Variants in LATS2 observed in about 807,000 individuals in gnomAD.
LATS2 encodes the protein large tumor suppressor kinase 2, also known as serine/threonine-protein kinase LATS2.
LATS2 carries 24 observed loss-of-function variants against 76.0 expected under a neutral mutation model. The ratio of observed to expected loss-of-function variants is 0.32; its 90% CI spans 0.23 to 0.44. LATS2 has a LOEUF of 0.44. Among genes scored for constraint, LATS2 ranks in the 20% least tolerant of loss-of-function variants. The probability of loss-of-function intolerance (pLI) is 1.00; values close to 1 mark genes in which losing one functional copy is unlikely to be tolerated. For missense variants in LATS2, 1,286 were observed against 1,481.2 expected (o/e 0.87, Z 2.16); for synonymous variants, 692 against 635.4 (o/e 1.09, Z -1.34).
At chr13:20,985,835 CG>C (rs1364403971) in intron 4 of LATS2, among the ~76,000 whole-genome samples, 1 of 152,004 alleles carries the variant, frequency 6.6e-6, no homozygotes, top group Non-Finnish European at 1.5e-5. Flanking sequence ...CATCTGAGGT[CG>C]GAAGTTTGAG....
intron 3 of LATS2, among the ~76,000 whole-genome samples, chr13:20,990,461 AT>A (rs35074574): frequency 0.18 from 16,931 of 94,030 alleles, 1,713 homozygotes; most frequent in East Asian, 0.41. Flanking sequence ...AATTACTAGG[AT>A]TTTTTTTTTT....
At position 21,045,666 on chromosome 13, in the gene LATS2, T is replaced by C. The variant is rs775573915; in HGVS notation, c.342+19A>G. On this transcript the variant is annotated intron_variant, in intron 2 of 7. Transcript: ENST00000382592. ...CCATAGCTGCCTCTGCACATGGCCC[T>C]GCAGAGGTCTGTACCCACCTGGTCG... 4 of 1,598,670 alleles carry C rather than the reference T, an allele frequency of 2.5e-6. No individual in the cohort carries two copies. The highest frequency in any genetic ancestry group is 3.4e-6 in the Non-Finnish European group (4 of 1,170,402).
In LATS2 at chr13:20,991,232, C is replaced by A; in HGVS notation, c.475+40G>T. 1 of 1,612,710 alleles carries A rather than the reference C, an allele frequency of 6.2e-7. No homozygotes were observed. Among genetic ancestry groups the A allele is most frequent in the East Asian group, 2.2e-5 (1 of 44,866 alleles). On this transcript the variant is annotated intron_variant, in intron 3 of 7. Coordinates refer to ENST00000382592, the MANE Select transcript of LATS2 (RefSeq NM_014572.3). This position sits in a 1 kb window ranked among gnomAD's most constrained non-coding sequence, Gnocchi z 4.9. The stretch of plus-strand genomic sequence containing the variant: ...ACGTGGTTTTGTTGTCCTTAAGCCA[C>A]AAACCATCTTTGCCCACTATGCTGC...
Position 21,001,945 on chromosome 13 carries a change from G to A in LATS2, c.343-10541C>T, listed in dbSNP as rs111917343. Among the ~76,000 whole-genome samples the A allele has an allele frequency of 3.3e-5, 5 of 150,686 alleles. No homozygotes were observed. In the East Asian group the frequency reaches 5.9e-4, roughly 18 times the overall value. On this transcript the variant is annotated intron_variant, in intron 2 of 7. Coordinates refer to ENST00000382592, the MANE Select transcript of LATS2 (RefSeq NM_014572.3). ...CCATTTTTTTTTGAGGCGGAGTCTC[G>A]CTCTGTCGCCCAGGCTGGAGTGCAG...
chr13:20,980,816 T>G (rs1369890347), intron 6 of LATS2, among the ~76,000 whole-genome samples: 1 of 152,204 alleles, frequency 6.6e-6, no homozygotes, highest in Admixed American at 6.5e-5. Flanking sequence ...CAACATGTGA[T>G]GGCAGGGGCT....
chr13:20,978,538 A>G (rs575221480), intron 7 of LATS2, among the ~76,000 whole-genome samples: 42 of 152,314 alleles, frequency 2.8e-4, no homozygotes, highest in Non-Finnish European at 5.4e-4. Context: ...GAACAATGAT[A>G]TAATATCCAA....
At chr13:20,989,360 G>A (rs1257019798) in intron 3 of LATS2, 56 bp from the exon 4 acceptor site, 6 of 1,579,240 alleles carry the variant, frequency 3.8e-6, no homozygotes, top group Admixed American at 3.4e-5. Context: ...AGTGGGTTCT[G>A]GCACTTCCAG....
intron 2 of LATS2, among the ~76,000 whole-genome samples, chr13:21,008,163 G>A (rs1051766750): frequency 6.6e-6 from 1 of 151,798 alleles, no homozygotes; most frequent in Admixed American, 6.6e-5. Flanking sequence ...GCACAGAGGC[G>A]CAGTGGTGCT....
chr13:21,045,810 A>G lies in LATS2; in HGVS notation c.217T>C (p.Tyr73His), dbSNP rs1873053264. Residue 73 changes from tyrosine (Y) to histidine (H), a missense_variant, in exon 2 of 8, where the codon TAT (tyrosine) becomes CAT (histidine). Coordinates refer to ENST00000382592, the MANE Select transcript of LATS2 (RefSeq NM_014572.3). Reference sequence around the variant, plus strand: ...CTGATTTCCCTCAAGGCTTTCTGATAAGGTCCGAACTTTGGGGTGGCTCTC... The same window carrying G: ...CTGATTTCCCTCAAGGCTTTCTGATGAGGTCCGAACTTTGGGGTGGCTCTC... ...QMRATPKFGP[Y>H]QKALREIRYS... 1 of 1,614,204 alleles carries G rather than the reference A, an allele frequency of 6.2e-7. No homozygotes were observed. The highest frequency in any genetic ancestry group is 2.2e-5 in the East Asian group (1 of 44,878).
At chr13:21,028,227 A>G (rs1163305234) in intron 2 of LATS2, among the ~76,000 whole-genome samples, 3 of 151,982 alleles carry the variant, frequency 2.0e-5, no homozygotes, top group East Asian at 3.9e-4. Context: ...ATGATTTCCA[A>G]TTTCATCCAT....
At chr13:21,042,858 C>T (rs923759801) in intron 2 of LATS2, among the ~76,000 whole-genome samples, 5 of 152,014 alleles carry the variant, frequency 3.3e-5, no homozygotes, top group African/African-American at 1.2e-4. Context: ...GTGGTGGGTG[C>T]CTGTAATCCC....
At position 20,974,826 on chromosome 13, in the gene LATS2, C is replaced by G. The variant is rs777296126; in HGVS notation, c.*44G>C. Reference sequence around the variant, plus strand: ...CCTGTGAGGGCACCGGCTCCGGGACCCTGACCTGGGAGGCAGCGAGTGGTG... The same window carrying G: ...CCTGTGAGGGCACCGGCTCCGGGACGCTGACCTGGGAGGCAGCGAGTGGTG... On this transcript the variant is annotated 3_prime_UTR_variant, in exon 8 of 8. Coordinates refer to ENST00000382592, the MANE Select transcript of LATS2 (RefSeq NM_014572.3). The G allele has an allele frequency of 2.6e-6, 4 of 1,561,990 alleles. No homozygotes were observed. The highest frequency in any genetic ancestry group is 3.7e-5 in the Admixed American group (2 of 53,508).
chr13:21,040,824 C>T (rs1244788381), intron 2 of LATS2, among the ~76,000 whole-genome samples: 1 of 151,948 alleles, frequency 6.6e-6, no homozygotes, highest in Non-Finnish European at 1.5e-5. Flanking sequence ...GCCCCACAGA[C>T]ATGAGGGAAA....
At chr13:21,035,082 CAAACAAAACCA>C (rs1400911377) in intron 2 of LATS2, among the ~76,000 whole-genome samples, 2 of 151,610 alleles carry the variant, frequency 1.3e-5, no homozygotes, top group East Asian at 1.9e-4. Flanking sequence ...AAGAACAAAC[CAAACAAAACCA>C]AAACAAAACA....
At chr13:21,018,676 C>T (rs1393352396) in intron 2 of LATS2, among the ~76,000 whole-genome samples, 2 of 151,482 alleles carry the variant, frequency 1.3e-5, no homozygotes, top group African/African-American at 4.8e-5. Context: ...TTTTTTGACA[C>T]GTTGTCTTGC....
At chr13:21,044,443 C>A (rs889680122) in intron 2 of LATS2, among the ~76,000 whole-genome samples, 8 of 152,108 alleles carry the variant, frequency 5.3e-5, no homozygotes, top group Admixed American at 5.2e-4. Flanking sequence ...TTCCAAGGTA[C>A]CAAAAATACT....
chr13:20,999,770 T>C (rs1870958312), intron 2 of LATS2, among the ~76,000 whole-genome samples: 3 of 146,026 alleles, frequency 2.1e-5, no homozygotes, highest in African/African-American at 7.6e-5. Context: ...AAATTTGTTA[T>C]AAAATAAAAT....
At chr13:21,037,991 C>A (rs1334929670) in intron 2 of LATS2, among the ~76,000 whole-genome samples, 1 of 152,142 alleles carries the variant, frequency 6.6e-6, no homozygotes, top group African/African-American at 2.4e-5. Flanking sequence ...CGGTGGCCCA[C>A]GTTTGTAGTC....
Position 20,989,171 on chromosome 13 carries a change from C to T in LATS2, c.609G>A (p.Ala203=), listed in dbSNP as rs1389805537. 3 of 1,612,950 alleles carry T rather than the reference C, an allele frequency of 1.9e-6. No individual in the cohort carries two copies. The African/African-American group carries it at 4.0e-5, about 22-fold the overall frequency. ...CGTACGGCCGCGGCATCTCCTCCAG[C>T]GCCGTGGGGCCGTCAGCGCCGAAGC... is the stretch of plus-strand genomic sequence containing the variant. The part of the protein sequence containing the change: ...GPSFGADGPT[A]LEEMPRPYVD... Residue 203 remains alanine (A), a synonymous_variant, in exon 4 of 8, where the codon GCG becomes GCA. Transcript: ENST00000382592.
Sources: allele counts gnomAD v4.1 joint callset (sites outside exome capture counted in the v4.1 genomes callset), GRCh38; gene constraint gnomAD v4.1.1; non-coding constraint Gnocchi (gnomAD v3.1); transcripts MANE v1.5; gene names NCBI Gene and HGNC (gene_info 2026-07-23, HGNC 2026-07-21).